The following ARSJ variants were observed in gnomAD, a reference collection of about 807,000 sequenced individuals.
ARSJ encodes arylsulfatase J.
Under a neutral mutation model 35.9 loss-of-function variants are expected in ARSJ, and 26 were observed. The observed-to-expected ratio is 0.72, with a 90% CI of 0.53 to 1.00. The LOEUF (loss-of-function observed/expected upper bound fraction) is 1.00, where lower values mean the gene tolerates loss of function less well. ARSJ is among the 50% of genes least tolerant of loss of function. ARSJ has a pLI of 0.00. For missense variants in ARSJ, 667 were observed against 723.6 expected, an observed-to-expected ratio of 0.92 and a Z score of 0.90; for synonymous variants, 294 against 267.6, an observed-to-expected ratio of 1.10 and a Z score of -0.96.
chr4:113,940,830 T>C lies in ARSJ; in HGVS notation c.399-37155A>G, dbSNP rs980746956. Among the ~76,000 whole-genome samples, 7 of 151,894 alleles carry C rather than the reference T, an allele frequency of 4.6e-5. 1 individual carries two copies. Among genetic ancestry groups the C allele is most frequent in the African/African-American group, 1.7e-4 (7 of 41,412 alleles). ...ATTTTTTTTTCATCTTGAATTCAAA[T>C]TTTTTTACAGGCAACATGCATACTT... On this transcript the variant is annotated intron_variant, in intron 1 of 1. Transcript: ENST00000315366.
At chr4:113,933,116 G>A (rs1724557924) in intron 1 of ARSJ, among the ~76,000 whole-genome samples, 1 of 151,862 alleles carries the variant, frequency 6.6e-6, no homozygotes, top group Non-Finnish European at 1.5e-5. Context: ...TATAAGAAAT[G>A]GATAAATTGG....
intron 1 of ARSJ, among the ~76,000 whole-genome samples, chr4:113,940,762 T>C (rs1160113570): frequency 1.3e-5 from 2 of 152,052 alleles, no homozygotes; most frequent in African/African-American, 4.8e-5. Flanking sequence ...AGAGTTATAT[T>C]AAATAGTAAA....
At chr4:113,929,166 G>A (rs1322206211) in intron 1 of ARSJ, among the ~76,000 whole-genome samples, 1 of 152,016 alleles carries the variant, frequency 6.6e-6, no homozygotes, top group South Asian at 2.1e-4. Flanking sequence ...CCAGATTGCT[G>A]TTTATATAAA....
chr4:113,942,042 C>A (rs535294874), intron 1 of ARSJ, among the ~76,000 whole-genome samples: 1 of 151,944 alleles, frequency 6.6e-6, no homozygotes, highest in East Asian at 1.9e-4. Flanking sequence ...CCTAGGAAGG[C>A]AGATTGGATT....
At chr4:113,904,204 C>G (rs531794558) in intron 1 of ARSJ, among the ~76,000 whole-genome samples, 1 of 152,278 alleles carries the variant, frequency 6.6e-6, no homozygotes, top group South Asian at 2.1e-4. Context: ...GCTGCGATTA[C>G]AGGTGCGAAG....
At chr4:113,912,743 G>A (rs1723008130) in intron 1 of ARSJ, among the ~76,000 whole-genome samples, 1 of 151,520 alleles carries the variant, frequency 6.6e-6, no homozygotes, top group African/African-American at 2.4e-5. Context: ...GAATGTGTGT[G>A]TGTGTGTGTG....
intron 1 of ARSJ, among the ~76,000 whole-genome samples, chr4:113,973,805 C>T (rs946221067): frequency 6.6e-6 from 1 of 152,060 alleles, no homozygotes; most frequent in African/African-American, 2.4e-5. Flanking sequence ...CTCTTCTTTC[C>T]TAGGAAAATT....
Position 113,903,686 on chromosome 4 carries a change from G to T in ARSJ, c.399-11C>A. The T allele has an allele frequency of 6.3e-7, 1 of 1,580,650 alleles. No individual in the cohort carries two copies. The highest frequency in any genetic ancestry group is 1.2e-5 in the South Asian group (1 of 86,754). ...GTGTGTATCTGATACCTTAAGAAAA[G>T]AGAAAAAAATTGTTATCAGGGCAGG... is the stretch of plus-strand genomic sequence containing the variant. On this transcript the variant is annotated splice_polypyrimidine_tract_variant and intron_variant, in intron 1 of 1. Transcript: ENST00000315366.
intron 1 of ARSJ, among the ~76,000 whole-genome samples, chr4:113,916,881 T>C (rs1177994992): frequency 6.6e-6 from 1 of 152,150 alleles, no homozygotes; most frequent in Non-Finnish European, 1.5e-5. Context: ...TACAAAACAA[T>C]AAATATGTGG....
chr4:113,953,829 A>G lies in ARSJ; in HGVS notation c.398+24608T>C, dbSNP rs191043670. On this transcript the variant is annotated intron_variant, in intron 1 of 1. Coordinates refer to ENST00000315366, the MANE Select transcript of ARSJ (RefSeq NM_024590.4). ...ACTGAACCTTAAATAACTCAATGGA[A>G]GTAAAGAGAAAGTTCAAAAAATGAT... Among the ~76,000 whole-genome samples the G allele has an allele frequency of 1.2e-3, 188 of 152,192 alleles. 1 individual carries two copies. In the East Asian group the frequency reaches 0.031, roughly 25 times the overall value.
At chr4:113,974,427 C>A (rs1264620162) in intron 1 of ARSJ, among the ~76,000 whole-genome samples, 12 of 151,810 alleles carry the variant, frequency 7.9e-5, no homozygotes, top group Admixed American at 7.9e-4. Context: ...ACTTGCAATA[C>A]AAATATCTAA....
chr4:113,903,096 T>C lies in ARSJ; in HGVS notation c.978A>G (p.Ser326=). The C allele has an allele frequency of 6.2e-7, 1 of 1,614,190 alleles. No homozygotes were observed. The highest frequency in any genetic ancestry group is 8.5e-7 in the Non-Finnish European group (1 of 1,180,038). ...CTGCCGTAGGCTGGCCACCATTATC[T>C]GAAGAGTAAATGATAATGCTGTTGT... ...FYNNSIIIYS[S]DNGGQPTAGG... Residue 326 remains serine (S), a synonymous_variant, in exon 2 of 2, where the codon TCA becomes TCG. Coordinates refer to ENST00000315366, the MANE Select transcript of ARSJ (RefSeq NM_024590.4).
Position 113,902,519 on chromosome 4 carries a change from G to C in ARSJ, c.1555C>G (p.Leu519Val), listed in dbSNP as rs1479880949. 1 of 1,614,034 alleles carries C rather than the reference G, an allele frequency of 6.2e-7. No individual in the cohort carries two copies. Among genetic ancestry groups the C allele is most frequent in the Non-Finnish European group, 8.5e-7 (1 of 1,180,036 alleles). The change falls in exon 2 of 2, where the codon CTC becomes GTC. Residue 519 changes from leucine to valine, a missense_variant. Coordinates refer to ENST00000315366, the MANE Select transcript of ARSJ (RefSeq NM_024590.4). ...SNRYPGIVKK[L>V]LRRLSQFNKT... ...TTGAACTGTGAGAGCCTCCGTAGGA[G>C]CTTCTTCACGATTCCTGGATACCTG...
chr4:113,924,066 AATATAT>A (rs1403326700), intron 1 of ARSJ, among the ~76,000 whole-genome samples: 8 of 107,502 alleles, frequency 7.4e-5, no homozygotes, highest in Non-Finnish European at 7.1e-5. Context: ...AATATATATA[AATATAT>A]ATAAATATAT....
Position 113,978,510 on chromosome 4 carries a change from C to T in ARSJ, c.325G>A (p.Glu109Lys), listed in dbSNP as rs777614872. 7 of 1,614,028 alleles carry T rather than the reference C, an allele frequency of 4.3e-6. No individual in the cohort carries two copies. The highest frequency in any genetic ancestry group is 2.2e-5 in the East Asian group (1 of 44,904). ...TAGTAGTTCTCCAGTTTAACTCCTTCGGCAGCGAGCTTGTCAAGAGTAGGT... is the reference window on the plus strand; with the variant it reads ...TAGTAGTTCTCCAGTTTAACTCCTTTGGCAGCGAGCTTGTCAAGAGTAGGT... ...KTPTLDKLAA[E>K]GVKLENYYVQ... The change falls in exon 1 of 2, where the codon GAA becomes AAA. Residue 109 changes from glutamate (E) to lysine (K), a missense_variant. Transcript: ENST00000315366.
intron 1 of ARSJ, among the ~76,000 whole-genome samples, chr4:113,929,620 G>A (rs1724301461): frequency 6.6e-6 from 1 of 152,140 alleles, no homozygotes; most frequent in Non-Finnish European, 1.5e-5. Flanking sequence ...CACCTGGTGA[G>A]GCTGTGCAGG....
chr4:113,919,911 C>G (rs1429281523), intron 1 of ARSJ, among the ~76,000 whole-genome samples: 1 of 151,252 alleles, frequency 6.6e-6, no homozygotes, highest in Non-Finnish European at 1.5e-5. Flanking sequence ...TAGCAGGAAC[C>G]CTGCTTGTAA....
chr4:113,975,253 A>G (rs1382797366), intron 1 of ARSJ, among the ~76,000 whole-genome samples: 1 of 152,182 alleles, frequency 6.6e-6, no homozygotes, highest in Non-Finnish European at 1.5e-5. Context: ...ATTTGTTAAC[A>G]GTGATCATCA....
At chr4:113,973,163 C>T (rs545296301) in intron 1 of ARSJ, among the ~76,000 whole-genome samples, 1 of 152,170 alleles carries the variant, frequency 6.6e-6, no homozygotes. Context: ...CCTTGAAATA[C>T]TTTGCCTTCC....
Sources: allele counts gnomAD v4.1 joint callset (sites outside exome capture counted in the v4.1 genomes callset), GRCh38; gene constraint gnomAD v4.1.1; transcripts MANE v1.5; gene names NCBI Gene and HGNC (gene_info 2026-07-23, HGNC 2026-07-21).